Variants in STAM observed in about 807,000 individuals in gnomAD.
STAM encodes the protein signal transducing adaptor molecule.
STAM carries 16 observed loss-of-function variants against 63.4 expected under a neutral mutation model. The observed-to-expected ratio is 0.25, with a 90% CI of 0.17 to 0.38. The LOEUF is 0.38. Among genes scored for constraint, STAM ranks in the 10% least tolerant of loss-of-function variants. The pLI, the probability that STAM is intolerant of heterozygous loss-of-function variation, is 1.00. For missense variants in STAM, 636 were observed against 657.1 expected, an observed-to-expected ratio of 0.97 and a Z score of 0.35; for synonymous variants, 238 against 223.9, an observed-to-expected ratio of 1.06 and a Z score of -0.56.
At position 17,708,859 on chromosome 10, in the gene STAM, C is replaced by T. The variant is rs1836422023; in HGVS notation, c.1293C>T (p.Pro431=). ...QMSHLQSYSL[P]PEQLSSLSQA... ...GCCACCTCCAGAGCTACAGTCTTCC[C>T]CCGGAGCAGCTGTCTTCTCTCAGCC... The change falls in exon 13 of 14, where the codon CCC becomes CCT. Residue 431 remains proline, a synonymous_variant. Transcript: ENST00000377524. 1 of 1,614,160 alleles carries T rather than the reference C, an allele frequency of 6.2e-7. No homozygotes were observed. Among genetic ancestry groups the T allele is most frequent in the Non-Finnish European group, 8.5e-7 (1 of 1,180,026 alleles).
At chr10:17,663,836 C>T (rs1246402145) in intron 2 of STAM, among the ~76,000 whole-genome samples, 2 of 151,974 alleles carry the variant, frequency 1.3e-5, no homozygotes, top group Admixed American at 1.3e-4. Flanking sequence ...TAACATACAT[C>T]TCCAGTTGTG....
At chr10:17,655,001 C>T (rs551519300) in intron 1 of STAM, among the ~76,000 whole-genome samples, 87 of 152,254 alleles carry the variant, frequency 5.7e-4, no homozygotes, top group Middle Eastern at 3.4e-3. Flanking sequence ...TTACTTTATT[C>T]ACTTAATTAG....
chr10:17,711,831 T>C (rs1382524660), intron 13 of STAM, among the ~76,000 whole-genome samples: 1 of 152,204 alleles, frequency 6.6e-6, no homozygotes, highest in Non-Finnish European at 1.5e-5. Context: ...ATGAAAAAGT[T>C]CAGAAAGGGC....
At position 17,684,750 on chromosome 10, in the gene STAM, T is replaced by C. The variant is rs1247301749; in HGVS notation, c.201T>C (p.Thr67=). 6.2e-7 allele frequency: 1 copy of C among 1,614,080 alleles called. No individual in the cohort carries two copies. The highest frequency in any genetic ancestry group is 8.5e-7 in the Non-Finnish European group (1 of 1,179,988). ...KDPHVAMQAL[T]LLGACVSNCG... ...CTCACGTTGCTATGCAGGCTTTGAC[T>C]GTGAGTGGTTTCATTTTAATCTGTA... is the stretch of plus-strand genomic sequence containing the variant. The change falls in exon 3 of 14, where the codon ACT becomes ACC. Residue 67 remains threonine (T), a splice_region_variant and synonymous_variant. Transcript: ENST00000377524.
intron 13 of STAM, among the ~76,000 whole-genome samples, chr10:17,710,399 C>T (rs1271236587): frequency 6.6e-6 from 1 of 152,168 alleles, no homozygotes; most frequent in Non-Finnish European, 1.5e-5. Flanking sequence ...TAGGCCCAAC[C>T]CTACCCATAG....
At chr10:17,661,838 G>A (rs1834180654) in intron 2 of STAM, among the ~76,000 whole-genome samples, 1 of 152,084 alleles carries the variant, frequency 6.6e-6, no homozygotes, top group African/African-American at 2.4e-5. Context: ...CTCCACTCTA[G>A]CTTTTTTTGG....
At chr10:17,656,216 C>T (rs1554822121) in intron 1 of STAM, among the ~76,000 whole-genome samples, 1 of 150,862 alleles carries the variant, frequency 6.6e-6, no homozygotes, top group Non-Finnish European at 1.5e-5. Flanking sequence ...ATTGCTTGGA[C>T]CTGGGAGGTG....
intron 7 of STAM, 38 bp from the exon 8 acceptor site, chr10:17,696,737 A>G: frequency 7.1e-7 from 1 of 1,412,812 alleles, no homozygotes; most frequent in Non-Finnish European, 1.0e-6. Context: ...AAATAAATAC[A>G]TTTGTTATGG....
intron 2 of STAM, among the ~76,000 whole-genome samples, chr10:17,669,684 T>C (rs549173968): frequency 6.6e-6 from 1 of 151,410 alleles, no homozygotes; most frequent in Admixed American, 6.6e-5. Flanking sequence ...GGAATTTCCC[T>C]TCTTTTTCTT....
At position 17,706,419 on chromosome 10, in the gene STAM, C is replaced by T. The variant is rs1836279094; in HGVS notation, c.1209+678C>T. Among the ~76,000 whole-genome samples the T allele has an allele frequency of 1.6e-5, 2 of 125,742 alleles. 1 individual carries two copies. Among genetic ancestry groups the T allele is most frequent in the South Asian group, 5.8e-4 (2 of 3,462 alleles). 82.5% of individuals were successfully genotyped at this position (125,742 alleles called of 152,430 possible). On this transcript the variant is annotated intron_variant, in intron 12 of 13. Coordinates refer to ENST00000377524, the MANE Select transcript of STAM (RefSeq NM_003473.4). ...TTTGAGGCGGAGTCTCACTCCGTGG[C>T]CCAGGCTGGAGTGCAGTGCTGCAAT...
At chr10:17,702,656 T>C (rs1307661411) in intron 9 of STAM, among the ~76,000 whole-genome samples, 1 of 152,182 alleles carries the variant, frequency 6.6e-6, no homozygotes, top group East Asian at 1.9e-4. Context: ...TGGAAGACTG[T>C]GCTAAGGGCA....
intron 2 of STAM, among the ~76,000 whole-genome samples, chr10:17,683,434 T>TTA (rs1835167938): frequency 1.3e-5 from 2 of 152,328 alleles, no homozygotes; most frequent in South Asian, 4.1e-4. Context: ...AATGCTGGAA[T>TTA]TATAGGTGTG....
chr10:17,705,097 A>G (rs1249954411), intron 11 of STAM, 73 bp downstream of exon 11: 2 of 1,316,312 alleles, frequency 1.5e-6, no homozygotes, highest in African/African-American at 1.5e-5. Flanking sequence ...AAAGTGGGCT[A>G]TAACTGCCTT....
intron 5 of STAM, among the ~76,000 whole-genome samples, 181 bp from the exon 6 acceptor site, chr10:17,693,041 G>T (rs964418149): frequency 2.0e-5 from 3 of 152,066 alleles, no homozygotes; most frequent in Non-Finnish European, 2.9e-5. Context: ...GTTGCTCTCT[G>T]TGTTCTCCAA....
chr10:17,644,353 C>T lies in STAM; in HGVS notation c.14C>T (p.Ala5Val), dbSNP rs936607387. ...CACGCAGCGGAGATGCCTCTTTTTG[C>T]CACCAATCCCTTCGATCAGGATGTT... is the stretch of plus-strand genomic sequence containing the variant. The part of the protein sequence containing the change: MPLF[A>V]TNPFDQDVEK... The change falls in exon 1 of 14, where the codon GCC (alanine) becomes GTC (valine). Residue 5 changes from alanine (A) to valine (V), a missense_variant. By Grantham distance (64) the Ala-to-Val change is moderately conservative (BLOSUM62 0). Around this residue, in one of 3 missense-constraint regions of STAM, gnomAD observed 87 missense variants for 80.3 expected, o/e 1.08. Transcript: ENST00000377524. The T allele has an allele frequency of 1.2e-6, 2 of 1,614,106 alleles. No individual in the cohort carries two copies. The highest frequency in any genetic ancestry group is 2.2e-5 in the East Asian group (1 of 44,860).
intron 9 of STAM, 139 bp downstream of exon 9, chr10:17,700,418 A>G: frequency 3.5e-6 from 2 of 569,394 alleles, no homozygotes; most frequent in Non-Finnish European, 5.9e-6. Flanking sequence ...AGCAATATAG[A>G]CGATGCAGAC....
chr10:17,687,954 A>G, intron 4 of STAM, 73 bp from the exon 5 acceptor site: 1 of 1,281,174 alleles, frequency 7.8e-7, no homozygotes, highest in Non-Finnish European at 1.0e-6. Flanking sequence ...TAATAACTTT[A>G]CTATTTAAAA....
At chr10:17,705,085 G>A in intron 11 of STAM, 61 bp downstream of exon 11, 2 of 1,432,588 alleles carry the variant, frequency 1.4e-6, no homozygotes, top group Non-Finnish European at 1.9e-6. Context: ...TCACTGTACT[G>A]CAAAGTGGGC....
Position 17,669,700 on chromosome 10 carries a change from C to CT in STAM, c.125+9165dup, listed in dbSNP as rs1473808785. On this transcript the variant is annotated intron_variant, in intron 2 of 13. Transcript: ENST00000377524. ...GAATTTCCCTTCTTTTTCTTTCTTT[C>CT]TTTTTTTTTTTTTCTGAGATGGAGT... is the stretch of plus-strand genomic sequence containing the variant. 7.2e-3 allele frequency among the ~76,000 whole-genome samples: 1,006 copies of CT among 140,508 alleles called. 12 individuals carry two copies. The highest frequency in any genetic ancestry group is 0.022 in the African/African-American group (837 of 38,686). 92.2% of individuals were successfully genotyped at this position (140,508 alleles called of 152,430 possible). A position where few individuals can be genotyped will look rare whatever the true frequency, so the allele number is the denominator to read the frequency against.
Sources: allele counts gnomAD v4.1 joint callset (sites outside exome capture counted in the v4.1 genomes callset), GRCh38; gene constraint gnomAD v4.1.1; regional missense constraint gnomAD v4.1.1; transcripts MANE v1.5; gene names NCBI Gene and HGNC (gene_info 2026-07-23, HGNC 2026-07-21).